ARHGAP6: variants seen among roughly 807,000 people sequenced by gnomAD.
ARHGAP6 encodes the protein rho GTPase-activating protein 6.
Under a neutral mutation model 55.7 loss-of-function variants are expected in ARHGAP6, and 16 were observed. The observed-to-expected ratio is 0.29, with a 90% confidence interval of 0.19 to 0.44. The LOEUF is 0.44. Ranked by LOEUF, ARHGAP6 falls within the 20% of genes least tolerant of loss-of-function variation. The pLI, the probability that ARHGAP6 is intolerant of heterozygous loss-of-function variation, is 1.00. For missense variants in ARHGAP6, 698 were observed against 808.9 expected (o/e 0.86, Z 1.66); for synonymous variants, 382 against 360.9 (o/e 1.06, Z -0.66).
intron 1 of ARHGAP6, among the ~76,000 whole-genome samples, chrX:11,587,587 G>T (rs1165294551): frequency 3.6e-5 from 4 of 111,868 alleles, no homozygotes; most frequent in African/African-American, 1.3e-4. Context: ...AGGGTAACTG[G>T]TATAGTTCTG....
chrX:11,276,659 G>T (rs2093858863), intron 1 of ARHGAP6, among the ~76,000 whole-genome samples: 1 of 111,488 alleles, frequency 9.0e-6, no homozygotes. Flanking sequence ...GCACTTACTG[G>T]TTCACATCTG....
In ARHGAP6 at chrX:11,161,909, C is replaced by T. The variant is rs1252040842; in HGVS notation, c.1810-5283G>A. The stretch of plus-strand genomic sequence containing the variant: ...AGCCTATGACCTCTTGGCCCTTCAA[C>T]TGCAATGGTCTTGAAGTCAGACTCT... On this transcript the variant is annotated intron_variant, in intron 9 of 12. Coordinates refer to ENST00000337414, the MANE Select transcript of ARHGAP6 (RefSeq NM_013427.3). Among the ~76,000 whole-genome samples the T allele has an allele frequency of 2.7e-5, 3 of 111,885 alleles. No individual in the cohort carries two copies. The East Asian group carries it at 8.4e-4, about 31-fold the overall frequency.
intron 1 of ARHGAP6, among the ~76,000 whole-genome samples, chrX:11,528,311 G>A: frequency 8.9e-6 from 1 of 111,863 alleles, no homozygotes; most frequent in Non-Finnish European, 1.9e-5. Context: ...CTTTTCTGTG[G>A]CACGTTTAGA....
At chrX:11,341,193 A>T (rs2048701909) in intron 1 of ARHGAP6, among the ~76,000 whole-genome samples, 1 of 111,673 alleles carries the variant, frequency 9.0e-6, no homozygotes, top group African/African-American at 3.3e-5. Context: ...ACTCTATGTA[A>T]ATTAAAAAAT....
In ARHGAP6 at chrX:11,157,437, T is replaced by C. The variant is rs184634203; in HGVS notation, c.1810-811A>G. Among the ~76,000 whole-genome samples the C allele has an allele frequency of 1.2e-4, 14 of 112,142 alleles. No homozygotes were observed. In the South Asian group the frequency reaches 2.2e-3, roughly 18 times the overall value. On this transcript the variant is annotated intron_variant, in intron 9 of 12. Coordinates refer to ENST00000337414, the MANE Select transcript of ARHGAP6 (RefSeq NM_013427.3). ...ATTTGTTAGGCATCCAGTAGAGTTC[T>C]ATAGATGAGCATCATATATTTCTCT...
chrX:11,657,908 G>A (rs2052656709), intron 1 of ARHGAP6, among the ~76,000 whole-genome samples: 1 of 111,889 alleles, frequency 8.9e-6, no homozygotes, highest in Non-Finnish European at 1.9e-5. Context: ...GTTTTGCCCA[G>A]AAGTCTAGCC....
chrX:11,538,380 T>TA (rs1308074800), intron 1 of ARHGAP6, among the ~76,000 whole-genome samples: 1 of 111,469 alleles, frequency 9.0e-6, no homozygotes, highest in Non-Finnish European at 1.9e-5. Context: ...TTTAAGACCT[T>TA]AAATTATATT....
intron 9 of ARHGAP6, among the ~76,000 whole-genome samples, chrX:11,159,074 A>G (rs1283340302): frequency 8.9e-6 from 1 of 111,808 alleles, no homozygotes; most frequent in Non-Finnish European, 1.9e-5. Context: ...CATTCCAGGT[A>G]GAAGGAAGGA....
At chrX:11,393,437 A>G (rs781259941) in intron 1 of ARHGAP6, among the ~76,000 whole-genome samples, 5 of 111,709 alleles carry the variant, frequency 4.5e-5, no homozygotes, top group African/African-American at 1.6e-4. Context: ...AAAATTTTCT[A>G]TGGATATAAC....
intron 2 of ARHGAP6, among the ~76,000 whole-genome samples, chrX:11,253,359 A>T (rs984647220): frequency 6.3e-5 from 7 of 111,230 alleles, no homozygotes; most frequent in Admixed American, 2.9e-4. Flanking sequence ...ATGAATAAAT[A>T]TTCATGAAGC....
intron 1 of ARHGAP6, among the ~76,000 whole-genome samples, chrX:11,301,677 A>G (rs1440049471): frequency 8.9e-6 from 1 of 112,118 alleles, no homozygotes; most frequent in African/African-American, 3.2e-5. Context: ...ATTGGCATGG[A>G]CCAATTCTAA....
chrX:11,172,084 GT>G (rs1385255088), intron 8 of ARHGAP6, among the ~76,000 whole-genome samples: 3 of 111,161 alleles, frequency 2.7e-5, no homozygotes, highest in African/African-American at 9.8e-5. Context: ...GAATTCAGGA[GT>G]CCCAATGAAC....
In ARHGAP6 at chrX:11,424,689, A is replaced by C. The variant is rs1040661328; in HGVS notation, c.589-169982T>G. 7.1e-5 allele frequency among the ~76,000 whole-genome samples: 8 copies of C among 112,072 alleles called. No homozygotes were observed. The Admixed American group carries it at 7.6e-4, about 11-fold the overall frequency. On this transcript the variant is annotated intron_variant, in intron 1 of 12. Coordinates refer to ENST00000337414, the MANE Select transcript of ARHGAP6 (RefSeq NM_013427.3). ...CCTCACTCCATACTGGGATCATTTC[A>C]AAATGTAAATCTGATTCAGTCACCA...
At chrX:11,633,586 T>G (rs2052384232) in intron 1 of ARHGAP6, among the ~76,000 whole-genome samples, 1 of 111,935 alleles carries the variant, frequency 8.9e-6, no homozygotes, top group Non-Finnish European at 1.9e-5. Flanking sequence ...CAACCTATAT[T>G]TACTGAGCAC....
At chrX:11,233,601 G>A (rs1403718051) in intron 2 of ARHGAP6, among the ~76,000 whole-genome samples, 1 of 111,999 alleles carries the variant, frequency 8.9e-6, no homozygotes, top group Non-Finnish European at 1.9e-5. Context: ...TTGTTGAACT[G>A]ATAAATGTCC....
At chrX:11,493,784 T>G (rs2050595125) in intron 1 of ARHGAP6, among the ~76,000 whole-genome samples, 1 of 107,979 alleles carries the variant, frequency 9.3e-6, no homozygotes, top group South Asian at 4.0e-4. Context: ...AAAATTCCTA[T>G]CAAACTGACA....
At chrX:11,476,069 C>T (rs767752058) in intron 1 of ARHGAP6, among the ~76,000 whole-genome samples, 1 of 107,809 alleles carries the variant, frequency 9.3e-6, no homozygotes, top group African/African-American at 3.4e-5. Flanking sequence ...AGGACATACA[C>T]ATTGAAAACA....
At chrX:11,243,141 C>T (rs769676688) in intron 2 of ARHGAP6, among the ~76,000 whole-genome samples, 1 of 111,909 alleles carries the variant, frequency 8.9e-6, no homozygotes, top group Non-Finnish European at 1.9e-5. Context: ...AGAATGGTTT[C>T]CTCTCTATCA....
chrX:11,635,164 G>A (rs1407019733), intron 1 of ARHGAP6, among the ~76,000 whole-genome samples: 1 of 112,121 alleles, frequency 8.9e-6, no homozygotes, highest in Non-Finnish European at 1.9e-5. Context: ...ACCTCATCAT[G>A]TAAGTGATGT....
Sources: gnomAD v4.1 joint callset for allele counts (sites outside exome capture counted in the v4.1 genomes callset) on GRCh38, gnomAD v4.1.1 for gene constraint, MANE v1.5 for transcripts, NCBI Gene and HGNC (gene_info 2026-07-23, HGNC 2026-07-21) for gene names.